The following CAMTA1 variants were observed in gnomAD, a reference collection of about 807,000 sequenced individuals.
The protein encoded by CAMTA1 is calmodulin binding transcription activator 1, also known as calmodulin-binding transcription activator 1.
Under a neutral mutation model 170.9 loss-of-function variants are expected in CAMTA1, and 27 were observed. The ratio of observed to expected loss-of-function variants is 0.16; its 90% confidence interval spans 0.12 to 0.22. The LOEUF is 0.22. Ranked by LOEUF, CAMTA1 falls within the 10% of genes least tolerant of loss-of-function variation. The probability of loss-of-function intolerance (pLI) is 1.00; values close to 1 mark genes in which losing one functional copy is unlikely to be tolerated. For synonymous variants in CAMTA1, 833 were observed against 891.5 expected, an observed-to-expected ratio of 0.93 and a Z score of 1.17; for missense variants, 1,619 against 2,217.2, an observed-to-expected ratio of 0.73 and a Z score of 5.42.
rs113204856 is a variant in CAMTA1, at chr1:7,263,661, A to G, written c.438+14035A>G. ...GAGAGCCCAATATTTGAAAGCCCAGAGATCTATGGGCTTTCAGTAGAGTTC... is the reference window on the plus strand; with the variant it reads ...GAGAGCCCAATATTTGAAAGCCCAGGGATCTATGGGCTTTCAGTAGAGTTC... On this transcript the variant is annotated intron_variant, in intron 5 of 22. Transcript: ENST00000303635. Among the ~76,000 whole-genome samples the G allele has an allele frequency of 9.7e-3, 1,484 of 152,220 alleles. 22 individuals carry two copies. The highest frequency in any genetic ancestry group is 0.033 in the African/African-American group (1,371 of 41,526).
chr1:7,176,841 T>G (rs1377655651), intron 4 of CAMTA1, among the ~76,000 whole-genome samples: 4 of 152,132 alleles, frequency 2.6e-5, no homozygotes, highest in Non-Finnish European at 5.9e-5. Flanking sequence ...GAGAGATTGT[T>G]GTGGACCAGG....
intron 4 of CAMTA1, among the ~76,000 whole-genome samples, chr1:7,215,537 G>GCACACACCAC (rs1659602545): frequency 1.3e-5 from 2 of 152,262 alleles, no homozygotes; most frequent in East Asian, 1.9e-4. Flanking sequence ...GGGACTACAG[G>GCACACACCAC]CACACACCAC....
chr1:7,478,108 C>T (rs1575528512), intron 6 of CAMTA1, among the ~76,000 whole-genome samples: 1 of 152,210 alleles, frequency 6.6e-6, no homozygotes, highest in Non-Finnish European at 1.5e-5. Flanking sequence ...GACTCGGCAG[C>T]CCCCTGGGAA....
intron 5 of CAMTA1, among the ~76,000 whole-genome samples, chr1:7,451,129 G>T (rs2092814307): frequency 6.6e-6 from 1 of 152,180 alleles, no homozygotes; most frequent in African/African-American, 2.4e-5. Context: ...CAAACCTCCT[G>T]CCTGGTCCCA....
rs908809410 is a variant in CAMTA1, at chr1:6,855,100, T to TA, written c.234+29898dup. Among the ~76,000 whole-genome samples, 97 of 152,036 alleles carry TA rather than the reference T, an allele frequency of 6.4e-4. 1 individual carries two copies. In the South Asian group the frequency reaches 0.016, roughly 26 times the overall value. The stretch of plus-strand genomic sequence containing the variant: ...TGACATGATTGTATATGTAGAAAAT[T>TA]AAAAAAAACCTCTTTATAACTTATT... On this transcript the variant is annotated intron_variant, in intron 3 of 22. Transcript: ENST00000303635.
intron 6 of CAMTA1, among the ~76,000 whole-genome samples, chr1:7,627,615 G>A (rs1382245450): frequency 6.6e-6 from 1 of 152,222 alleles, no homozygotes; most frequent in Non-Finnish European, 1.5e-5. Context: ...TCACAGCTAG[G>A]AGGTAGCAGA....
intron 6 of CAMTA1, among the ~76,000 whole-genome samples, chr1:7,535,435 A>AC (rs1458002488): frequency 6.6e-6 from 1 of 152,126 alleles, no homozygotes; most frequent in Non-Finnish European, 1.5e-5. Flanking sequence ...TGGGCTCAGG[A>AC]CCTGCCCTGT....
chr1:7,539,639 A>G (rs980500959), intron 6 of CAMTA1, among the ~76,000 whole-genome samples: 12 of 152,226 alleles, frequency 7.9e-5, no homozygotes, highest in Non-Finnish European at 1.3e-4. Context: ...AACAGTGTCA[A>G]AATAACTCCA....
rs56054118 is a variant in CAMTA1, at chr1:7,552,192, C to G, written c.510+84291C>G. On this transcript the variant is annotated intron_variant, in intron 6 of 22. Transcript: ENST00000303635. ...AAGTAGCCTTCTGAAGGCCACCACACCCCCCCAGTGCCACCCAGCCTAGCT... is the reference window on the plus strand; with the variant it reads ...AAGTAGCCTTCTGAAGGCCACCACAGCCCCCCAGTGCCACCCAGCCTAGCT... 4.0e-4 allele frequency among the ~76,000 whole-genome samples: 10 copies of G among 25,198 alleles called. 1 individual carries two copies. The highest frequency in any genetic ancestry group is 6.6e-4 in the Non-Finnish European group (5 of 7,610). 16.5% of individuals were successfully genotyped at this position (25,198 alleles called of 152,430 possible).
chr1:7,266,393 A>G (rs1478430502), intron 5 of CAMTA1, among the ~76,000 whole-genome samples: 4 of 152,162 alleles, frequency 2.6e-5, no homozygotes, highest in Non-Finnish European at 5.9e-5. Context: ...CCCTCATAAG[A>G]CTTGGGAGTT....
At chr1:6,915,839 C>T (rs1680664866) in intron 3 of CAMTA1, among the ~76,000 whole-genome samples, 1 of 152,182 alleles carries the variant, frequency 6.6e-6, no homozygotes. Flanking sequence ...CAGGGGTGGC[C>T]CTGATGACTT....
In CAMTA1 at chr1:6,813,379, T is replaced by C. The variant is rs553844819; in HGVS notation, c.46-6802T>C. ...TGATATTTCATTTATTATTCATAAA[T>C]TAATACTAATTAAATAATTAATTGT... On this transcript the variant is annotated intron_variant, in intron 1 of 22. Transcript: ENST00000303635. 1.1e-4 allele frequency among the ~76,000 whole-genome samples: 16 copies of C among 152,020 alleles called. No individual in the cohort carries two copies. The East Asian group carries it at 2.3e-3, about 22-fold the overall frequency.
intron 11 of CAMTA1, among the ~76,000 whole-genome samples, chr1:7,696,625 C>T (rs1558149538): frequency 6.6e-6 from 1 of 151,990 alleles, no homozygotes. Flanking sequence ...CTCTACTGGG[C>T]TGTAGGGTAC....
intron 3 of CAMTA1, among the ~76,000 whole-genome samples, chr1:6,908,353 T>C (rs1678998380): frequency 6.6e-6 from 1 of 152,206 alleles, no homozygotes; most frequent in South Asian, 2.1e-4. Flanking sequence ...TTCTCCACCA[T>C]GCCCTCTGCT....
chr1:7,137,377 C>T (rs1573367175), intron 4 of CAMTA1, among the ~76,000 whole-genome samples: 1 of 152,348 alleles, frequency 6.6e-6, no homozygotes, highest in East Asian at 1.9e-4. Context: ...TACTCAAAGT[C>T]TAGAAGACCC....
intron 6 of CAMTA1, among the ~76,000 whole-genome samples, chr1:7,554,881 A>G (rs573767664): frequency 2.0e-5 from 3 of 152,106 alleles, no homozygotes; most frequent in Admixed American, 1.3e-4. Flanking sequence ...AGACTTCCCA[A>G]GCCAGATGGT....
At chr1:7,730,180 C>T (rs921732814) in intron 11 of CAMTA1, among the ~76,000 whole-genome samples, 5 of 152,144 alleles carry the variant, frequency 3.3e-5, no homozygotes, top group Non-Finnish European at 4.4e-5. Flanking sequence ...GTTGAGGAAA[C>T]GGAGGCATGA....
At chr1:6,910,829 C>T (rs948124356) in intron 3 of CAMTA1, among the ~76,000 whole-genome samples, 2 of 152,186 alleles carry the variant, frequency 1.3e-5, no homozygotes, top group African/African-American at 4.8e-5. Context: ...TGGACCCAGG[C>T]CCTGGGCTGC....
At chr1:7,203,126 A>G (rs1251876494) in intron 4 of CAMTA1, among the ~76,000 whole-genome samples, 1 of 152,116 alleles carries the variant, frequency 6.6e-6, no homozygotes, top group Admixed American at 6.5e-5. Flanking sequence ...TTTTTAGTCT[A>G]TTGATTGATA....
Sources: allele counts gnomAD v4.1 joint callset (sites outside exome capture counted in the v4.1 genomes callset), GRCh38; gene constraint gnomAD v4.1.1; transcripts MANE v1.5; gene names NCBI Gene and HGNC (gene_info 2026-07-23, HGNC 2026-07-21).